The following CSNK1A1 variants were observed in gnomAD, a reference collection of about 807,000 sequenced individuals.
CSNK1A1 encodes casein kinase I isoform alpha.
In CSNK1A1, 7 loss-of-function variants were observed where a neutral mutation model predicts 46.1. That is an observed-to-expected ratio of 0.15 (90% CI 0.09 to 0.29). CSNK1A1 has a LOEUF of 0.29. Among genes scored for constraint, CSNK1A1 ranks in the 10% least tolerant of loss-of-function variants. The pLI is 1.00. For synonymous variants in CSNK1A1, 137 were observed against 141.5 expected, an observed-to-expected ratio of 0.97 and a Z score of 0.23; for missense variants, 96 against 417.1, an observed-to-expected ratio of 0.23 and a Z score of 6.71.
At position 149,537,291 on chromosome 5, in the gene CSNK1A1, G is replaced by A. The variant is rs374891000; in HGVS notation, c.231-12120C>T. On this transcript the variant is annotated intron_variant, in intron 2 of 9. Transcript: ENST00000377843. The stretch of plus-strand genomic sequence containing the variant: ...CTCAGGGAGCTGAGGCAGGAGAATC[G>A]CTTGAACCCAGGAGGCAGAGGTTGC... Among the ~76,000 whole-genome samples the A allele has an allele frequency of 8.5e-5, 13 of 152,200 alleles. 1 individual carries two copies. Among genetic ancestry groups the A allele is most frequent in the African/African-American group, 3.1e-4 (13 of 41,548 alleles).
rs1477881530 is a variant in CSNK1A1 at position 149,550,781 on chromosome 5, TGGTGGTGG to T, written c.123+53_123+60del. 2 of 1,609,162 alleles carry T rather than the reference TGGTGGTGG, an allele frequency of 1.2e-6. No individual in the cohort carries two copies. The highest frequency in any genetic ancestry group is 4.5e-5 in the East Asian group (2 of 44,764). ...GCCCGAGCACTTTGGGGGTGCACGG[TGGTGGTGG>T]GGGGAATGAGTAAAAGCGCAGCGTT... On this transcript the variant is annotated intron_variant, in intron 1 of 9. Transcript: ENST00000377843. The surrounding 1 kb of genome is among the most constrained non-coding windows in gnomAD (Gnocchi z 4.3).
intron 3 of CSNK1A1, among the ~76,000 whole-genome samples, chr5:149,523,508 G>A (rs1012076980): frequency 4.1e-4 from 63 of 152,160 alleles, no homozygotes; most frequent in African/African-American, 1.2e-3. Context: ...CCAGTGTGCC[G>A]CGCCACTTTT....
chr5:149,536,103 G>A (rs1049672518), intron 2 of CSNK1A1, among the ~76,000 whole-genome samples: 8 of 152,086 alleles, frequency 5.3e-5, no homozygotes, highest in Non-Finnish European at 1.2e-4. Flanking sequence ...ACAGGCACGC[G>A]CCACCACGCC....
chr5:149,545,267 T>TC (rs995345380), intron 2 of CSNK1A1: 1 of 235,070 alleles, frequency 4.3e-6, no homozygotes, highest in Non-Finnish European at 8.2e-6. Flanking sequence ...TCTTTTTTTT[T>TC]CCCCTGCCTC....
intron 2 of CSNK1A1, among the ~76,000 whole-genome samples, chr5:149,541,174 A>G (rs866363931): frequency 1.2e-4 from 17 of 144,082 alleles, no homozygotes; most frequent in African/African-American, 4.5e-4. Context: ...TTTTTTTGAG[A>G]TGGAGTCTCC....
intron 3 of CSNK1A1, among the ~76,000 whole-genome samples, chr5:149,521,460 T>C (rs1299718581): frequency 2.0e-5 from 3 of 151,920 alleles, no homozygotes; most frequent in African/African-American, 7.3e-5. Flanking sequence ...AGCTAATTTT[T>C]AATTTTTGGT....
intron 9 of CSNK1A1, chr5:149,504,374 TACA>T (rs1760963199): frequency 1.0e-6 from 1 of 975,832 alleles, no homozygotes; most frequent in South Asian, 4.7e-5. Flanking sequence ...ATAGTTTAAA[TACA>T]ACACTAAAAA....
At chr5:149,547,882 GT>G (rs893201207) in intron 2 of CSNK1A1, among the ~76,000 whole-genome samples, 17 of 150,622 alleles carry the variant, frequency 1.1e-4, no homozygotes, top group African/African-American at 3.9e-4. Flanking sequence ...GTTTTTTTGT[GT>G]TTTTTTGAGA....
In CSNK1A1 at chr5:149,495,744, T is replaced by TAAAAAA. The variant is rs149346325; in HGVS notation, c.*1103_*1108dup. 4 of 92,764 alleles carry TAAAAAA rather than the reference T, an allele frequency of 4.3e-5. No individual in the cohort carries two copies. Among genetic ancestry groups the TAAAAAA allele is most frequent in the Non-Finnish European group, 4.4e-5 (2 of 45,084 alleles). 5.7% of individuals were successfully genotyped at this position (92,764 alleles called of 1,614,324 possible). ...TACTAGATATTGTGCCTGCAAGTCA[T>TAAAAAA]AAAAAAAAAAAAAAAAAAAGAAAAA... On this transcript the variant is annotated 3_prime_UTR_variant, in exon 10 of 10. Coordinates refer to ENST00000377843, the MANE Select transcript of CSNK1A1 (RefSeq NM_001892.6).
At chr5:149,506,095 T>C (rs1761013793) in intron 8 of CSNK1A1, among the ~76,000 whole-genome samples, 1 of 151,776 alleles carries the variant, frequency 6.6e-6, no homozygotes, top group Non-Finnish European at 1.5e-5. Context: ...CCCAGCTAAT[T>C]TTTGTATTTG....
chr5:149,545,645 G>C, intron 2 of CSNK1A1: 1 of 900,592 alleles, frequency 1.1e-6, no homozygotes, highest in Non-Finnish European at 1.8e-6. Flanking sequence ...GCCTCAGCAA[G>C]TGCACTCATT....
intron 2 of CSNK1A1, among the ~76,000 whole-genome samples, chr5:149,534,482 C>CAAAAAAAAAAAAAAAAAAAAAAAAAAA (rs10597922): frequency 3.2e-5 from 3 of 94,980 alleles, no homozygotes; most frequent in African/African-American, 1.3e-4. Flanking sequence ...GACTCTGTCT[C>CAAAAAAAAAAAAAAAAAAAAAAAAAAA]AAAAAAAAAA....
chr5:149,503,062 A>G (rs924873694), intron 9 of CSNK1A1: 3 of 985,212 alleles, frequency 3.0e-6, no homozygotes, highest in Non-Finnish European at 3.6e-6. Flanking sequence ...CACTGCACCC[A>G]GCTGAGTTAT....
At chr5:149,526,405 G>A (rs995349882) in intron 2 of CSNK1A1, among the ~76,000 whole-genome samples, 1 of 152,120 alleles carries the variant, frequency 6.6e-6, no homozygotes, top group African/African-American at 2.4e-5. Context: ...GGACTCAAGC[G>A]ATCCTCCTGC....
intron 3 of CSNK1A1, among the ~76,000 whole-genome samples, chr5:149,524,563 G>A (rs1035439056): frequency 6.6e-6 from 1 of 152,172 alleles, no homozygotes; most frequent in East Asian, 1.9e-4. Context: ...AACACAAATG[G>A]TTGAGAATCC....
At chr5:149,548,425 G>T (rs1762547139) in intron 2 of CSNK1A1, among the ~76,000 whole-genome samples, 1 of 151,728 alleles carries the variant, frequency 6.6e-6, no homozygotes, top group Non-Finnish European at 1.5e-5. Context: ...AAATTAGCCA[G>T]GCGTAGTAGT....
intron 8 of CSNK1A1, 137 bp downstream of exon 8, chr5:149,506,890 T>G: frequency 1.5e-6 from 1 of 656,766 alleles, no homozygotes; most frequent in Non-Finnish European, 2.5e-6. Flanking sequence ...TAGTCCCAAA[T>G]AAATCAGTTT....
chr5:149,534,767 A>G (rs1038966970), intron 2 of CSNK1A1, among the ~76,000 whole-genome samples: 1 of 150,988 alleles, frequency 6.6e-6, no homozygotes, highest in South Asian at 2.1e-4. Flanking sequence ...CGGTCTCTCT[A>G]TGAAAAATAA....
Position 149,524,918 on chromosome 5 carries a change from AT to A in CSNK1A1, c.357+126del, listed in dbSNP as rs544256214. ...GAAAATATCTACAAGTCACATTATTATTTTTTTTCTGCCTATGCTAAGGTTA... is the reference window on the plus strand; with the variant it reads ...GAAAATATCTACAAGTCACATTATTATTTTTTTCTGCCTATGCTAAGGTTA... On this transcript the variant is annotated intron_variant, in intron 3 of 9. Transcript: ENST00000377843. 4.6e-4 allele frequency: 360 copies of A among 785,680 alleles called. 1 individual carries two copies. In the African/African-American group the frequency reaches 4.6e-3, roughly 10 times the overall value. 48.7% of individuals were successfully genotyped at this position (785,680 alleles called of 1,614,324 possible).
Sources: allele counts gnomAD v4.1 joint callset (sites outside exome capture counted in the v4.1 genomes callset), GRCh38; gene constraint gnomAD v4.1.1; non-coding constraint Gnocchi (gnomAD v3.1); transcripts MANE v1.5; gene names NCBI Gene and HGNC (gene_info 2026-07-23, HGNC 2026-07-21).